Variants in SLC35F4 observed in about 807,000 individuals in gnomAD.
SLC35F4 encodes solute carrier family 35 member F4.
SLC35F4 carries 24 observed loss-of-function variants against 44.2 expected under a neutral mutation model. The observed-to-expected ratio is 0.54, with a 90% CI of 0.39 to 0.76. The LOEUF (loss-of-function observed/expected upper bound fraction) is 0.76. Ranked by LOEUF, SLC35F4 falls within the 30% of genes least tolerant of loss-of-function variation. The pLI, the probability that SLC35F4 is intolerant of heterozygous loss-of-function variation, is 0.00. For synonymous variants in SLC35F4, 238 were observed against 223.6 expected (o/e 1.06, Z -0.57); for missense variants, 562 against 586.1 (o/e 0.96, Z 0.42).
intron 1 of SLC35F4, among the ~76,000 whole-genome samples, chr14:57,780,180 A>C (rs2140737990): frequency 6.6e-6 from 1 of 152,320 alleles, no homozygotes; most frequent in African/African-American, 2.4e-5. Context: ...TATATCTAGA[A>C]AACCCCATAG....
intron 1 of SLC35F4, among the ~76,000 whole-genome samples, chr14:57,823,443 GT>G (rs1883391292): frequency 6.6e-6 from 1 of 152,190 alleles, no homozygotes; most frequent in Non-Finnish European, 1.5e-5. Context: ...TGAAATCAGG[GT>G]TAGTATTACA....
At chr14:57,877,408 T>C (rs1202261317) in intron 1 of SLC35F4, among the ~76,000 whole-genome samples, 1 of 152,226 alleles carries the variant, frequency 6.6e-6, no homozygotes, top group Non-Finnish European at 1.5e-5. Flanking sequence ...GACCATTGAT[T>C]GCCATCTAGG....
intron 1 of SLC35F4, among the ~76,000 whole-genome samples, chr14:57,980,087 T>C (rs1024609948): frequency 1.1e-4 from 17 of 152,246 alleles, no homozygotes; most frequent in African/African-American, 4.1e-4. Flanking sequence ...TGTATCAGAC[T>C]CTGCTTAGAC....
intron 1 of SLC35F4, among the ~76,000 whole-genome samples, chr14:57,752,452 T>TTTTTTTTTC (rs1269433564): frequency 2.0e-5 from 3 of 151,604 alleles, no homozygotes; most frequent in African/African-American, 4.8e-5. Context: ...CCCTGAGGTT[T>TTTTTTTTTC]TTTTTTTTCT....
intron 1 of SLC35F4, among the ~76,000 whole-genome samples, chr14:57,769,908 GA>G (rs1222928769): frequency 6.6e-6 from 1 of 151,906 alleles, no homozygotes; most frequent in Non-Finnish European, 1.5e-5. Flanking sequence ...AGCATTTTTT[GA>G]AAAAGAGTGG....
At chr14:57,625,885 C>T (rs111471465) in intron 1 of SLC35F4, among the ~76,000 whole-genome samples, 24,581 of 152,104 alleles carry the variant, frequency 0.16, 2,377 homozygotes, top group East Asian at 0.43. Flanking sequence ...ATGTTTATTG[C>T]GGCACTGTTA....
At chr14:57,746,614 CAT>C in intron 1 of SLC35F4, among the ~76,000 whole-genome samples, 1 of 150,816 alleles carries the variant, frequency 6.6e-6, no homozygotes, top group Admixed American at 6.6e-5. Context: ...TTTTTCTTGT[CAT>C]ATCTTTGTTA....
At chr14:57,858,537 G>T (rs1162384993) in intron 1 of SLC35F4, among the ~76,000 whole-genome samples, 1 of 151,834 alleles carries the variant, frequency 6.6e-6, no homozygotes, top group Admixed American at 6.5e-5. Context: ...TTGTGGGGTT[G>T]GGGGAGTGGG....
At chr14:57,571,752 A>G (rs1046642552) in intron 5 of SLC35F4, 142 bp downstream of exon 5, 16 of 1,233,746 alleles carry the variant, frequency 1.3e-5, no homozygotes, top group Admixed American at 6.1e-5. Context: ...TACCCATCAC[A>G]TAACAAGTAG....
chr14:57,937,595 GAAAAGA>G (rs768585226), intron 1 of SLC35F4, among the ~76,000 whole-genome samples: 2,246 of 58,896 alleles, frequency 0.038, 31 homozygotes, highest in Middle Eastern at 0.055. Flanking sequence ...AGAAAGAAAA[GAAAAGA>G]AAAGAAAAGA....
At chr14:57,928,149 G>A (rs1889619590) in intron 1 of SLC35F4, among the ~76,000 whole-genome samples, 1 of 152,012 alleles carries the variant, frequency 6.6e-6, no homozygotes, top group Non-Finnish European at 1.5e-5. Context: ...CTATAATGAG[G>A]CACTCAATCC....
At chr14:57,980,366 A>T (rs1466694429) in intron 1 of SLC35F4, among the ~76,000 whole-genome samples, 4 of 152,170 alleles carry the variant, frequency 2.6e-5, no homozygotes, top group Non-Finnish European at 5.9e-5. Context: ...TTGTTGCCTG[A>T]ACAGGGTGTC....
chr14:57,836,274 TTTTA>T (rs1259645962), intron 1 of SLC35F4, among the ~76,000 whole-genome samples: 1 of 152,120 alleles, frequency 6.6e-6, no homozygotes, highest in African/African-American at 2.4e-5. Context: ...AACATTGAAA[TTTTA>T]TTTTTTATTT....
intron 1 of SLC35F4, among the ~76,000 whole-genome samples, chr14:57,728,838 G>C (rs2076278557): frequency 6.6e-6 from 1 of 152,032 alleles, no homozygotes. Flanking sequence ...ATTTCTTTTA[G>C]GAAAGGTCTG....
chr14:57,711,264 C>T (rs887500330), intron 1 of SLC35F4, among the ~76,000 whole-genome samples: 1 of 152,094 alleles, frequency 6.6e-6, no homozygotes, highest in African/African-American at 2.4e-5. Flanking sequence ...CTTGCTTCCC[C>T]TTTGCCTTCC....
At chr14:57,804,028 A>G (rs1210686510) in intron 1 of SLC35F4, among the ~76,000 whole-genome samples, 1 of 152,204 alleles carries the variant, frequency 6.6e-6, no homozygotes, top group Non-Finnish European at 1.5e-5. Context: ...AAGTGCTACA[A>G]AGAGAATAAA....
At chr14:57,740,952 T>C (rs562262958) in intron 1 of SLC35F4, among the ~76,000 whole-genome samples, 1 of 152,300 alleles carries the variant, frequency 6.6e-6, no homozygotes, top group African/African-American at 2.4e-5. Context: ...CCTCCGCTGG[T>C]GATACCCAGG....
chr14:57,914,849 A>C (rs1020933890), intron 1 of SLC35F4, among the ~76,000 whole-genome samples: 1 of 151,826 alleles, frequency 6.6e-6, no homozygotes, highest in Non-Finnish European at 1.5e-5. Flanking sequence ...GGAGTTGCAC[A>C]CTGGTGACCT....
chr14:57,659,223 C>G (rs559342908), intron 1 of SLC35F4, among the ~76,000 whole-genome samples: 27 of 152,230 alleles, frequency 1.8e-4, no homozygotes, highest in Middle Eastern at 6.8e-3. Flanking sequence ...GCTGCTCATT[C>G]TCTAGTTGGT....
Sources: allele counts gnomAD v4.1 joint callset (sites outside exome capture counted in the v4.1 genomes callset), GRCh38; gene constraint gnomAD v4.1.1; transcripts MANE v1.5; gene names NCBI Gene and HGNC (gene_info 2026-07-23, HGNC 2026-07-21).